UNC13B: variants seen among roughly 807,000 people sequenced by gnomAD.
UNC13B encodes the protein unc-13 homolog B, also known as protein unc-13 homolog B.
UNC13B carries 144 observed loss-of-function variants against 211.0 expected under a neutral mutation model. The ratio of observed to expected loss-of-function variants is 0.68; its 90% CI spans 0.60 to 0.78. The LOEUF (loss-of-function observed/expected upper bound fraction) is 0.78, where lower values mean the gene tolerates loss of function less well. Among genes scored for constraint, UNC13B ranks in the 30% least tolerant of loss-of-function variants. The probability of loss-of-function intolerance (pLI) is 0.00; values close to 1 mark genes in which losing one functional copy is unlikely to be tolerated. For missense variants in UNC13B, 1,777 were observed against 2,002.0 expected (o/e 0.89, Z 2.14); for synonymous variants, 709 against 725.8 (o/e 0.98, Z 0.37).
intron 11 of UNC13B, chr9:35,342,081 A>G (rs1050828105): frequency 8.1e-6 from 8 of 985,280 alleles, no homozygotes; most frequent in Admixed American, 6.2e-5. Flanking sequence ...TTTGCAGGGC[A>G]TTGTTTCTGT....
chr9:35,173,571 T>C (rs1253710016), intron 1 of UNC13B, among the ~76,000 whole-genome samples: 1 of 151,936 alleles, frequency 6.6e-6, no homozygotes, highest in African/African-American at 2.4e-5. Flanking sequence ...TTACAGGCCC[T>C]CACCACCATG....
intron 11 of UNC13B, among the ~76,000 whole-genome samples, chr9:35,326,790 C>T (rs1375556507): frequency 1.3e-5 from 2 of 152,178 alleles, no homozygotes; most frequent in Non-Finnish European, 2.9e-5. Flanking sequence ...AATATGATCT[C>T]TCAAAATATT....
intron 26 of UNC13B, among the ~76,000 whole-genome samples, chr9:35,392,086 TA>T (rs1835570783): frequency 6.6e-6 from 1 of 152,252 alleles, no homozygotes; most frequent in African/African-American, 2.4e-5. Context: ...ACTTAATTTT[TA>T]TGAGCTCCCA....
At chr9:35,317,867 A>G (rs1830544918) in intron 11 of UNC13B, among the ~76,000 whole-genome samples, 1 of 152,036 alleles carries the variant, frequency 6.6e-6, no homozygotes, top group Admixed American at 6.6e-5. Flanking sequence ...ACATTTATGG[A>G]ATGAATGTCA....
At chr9:35,249,101 A>G (rs1826291653) in intron 6 of UNC13B, among the ~76,000 whole-genome samples, 1 of 152,042 alleles carries the variant, frequency 6.6e-6, no homozygotes, top group Non-Finnish European at 1.5e-5. Context: ...TCCCTTTCCC[A>G]TTATGTAATG....
intron 7 of UNC13B, among the ~76,000 whole-genome samples, chr9:35,265,204 C>T (rs979651565): frequency 1.3e-5 from 2 of 152,098 alleles, no homozygotes; most frequent in Non-Finnish European, 2.9e-5. Flanking sequence ...AAGCCCTAGT[C>T]CCCAGTTTGA....
At chr9:35,255,370 C>T (rs1031650663) in intron 6 of UNC13B, among the ~76,000 whole-genome samples, 8 of 151,084 alleles carry the variant, frequency 5.3e-5, no homozygotes, top group East Asian at 1.9e-4. Context: ...AACTGCCCAA[C>T]GGGTTCACCT....
chr9:35,258,556 G>A (rs1213867242), intron 6 of UNC13B, among the ~76,000 whole-genome samples: 1 of 152,174 alleles, frequency 6.6e-6, no homozygotes, highest in East Asian at 1.9e-4. Context: ...GACCTTATGA[G>A]CAAAGAAGCA....
At chr9:35,346,649 C>T (rs775540690) in intron 11 of UNC13B, among the ~76,000 whole-genome samples, 3 of 152,124 alleles carry the variant, frequency 2.0e-5, no homozygotes, top group Non-Finnish European at 4.4e-5. Flanking sequence ...CAGCCTTAGG[C>T]AGTCCTGAGG....
chr9:35,306,936 T>G lies in UNC13B; in HGVS notation c.7532T>G (p.Phe2511Cys). The change falls in exon 9 of 40, where the codon TTT (phenylalanine) becomes TGT (cysteine). Residue 2511 changes from phenylalanine (F) to cysteine (C), a missense_variant. By Grantham distance (205) the Phe-to-Cys change is radical. Transcript: ENST00000635942. ...TCTCAGCCCCTCAAAGGTGAATTATTTGGAATTTTCAAAAGTCCCAAGCCA... is the reference window on the plus strand; with the variant it reads ...TCTCAGCCCCTCAAAGGTGAATTATGTGGAATTTTCAAAAGTCCCAAGCCA... ...VSSQPLKGEL[F>C]GIFKSPKPEP... is the part of the protein sequence containing the mutation. 1 of 399,012 alleles carries G rather than the reference T, an allele frequency of 2.5e-6. No individual in the cohort carries two copies. The highest frequency in any genetic ancestry group is 2.1e-5 in the African/African-American group (1 of 48,754). 24.7% of individuals were successfully genotyped at this position (399,012 alleles called of 1,614,324 possible).
At chr9:35,400,936 G>A (rs1014627857) in intron 37 of UNC13B, among the ~76,000 whole-genome samples, 1 of 152,120 alleles carries the variant, frequency 6.6e-6, no homozygotes, top group South Asian at 2.1e-4. Flanking sequence ...GTGGATCCTG[G>A]GGCCCTGTGC....
chr9:35,375,179 C>T lies in UNC13B; in HGVS notation c.9593C>T (p.Thr3198Ile), dbSNP rs749580027. 2.5e-6 allele frequency: 4 copies of T among 1,614,148 alleles called. No homozygotes were observed. The highest frequency in any genetic ancestry group is 1.7e-5 in the Admixed American group (1 of 60,034). The change falls in exon 14 of 40, where the codon ACT becomes ATT. Residue 3198 changes from threonine to isoleucine, a missense_variant. Coordinates refer to ENST00000635942, the MANE Select transcript of UNC13B (RefSeq NM_001371189.2). ...AGITSAMATR[T>I]SLKDEELKSH... The stretch of plus-strand genomic sequence containing the variant: ...ATCACTTCTGCAATGGCTACACGCA[C>T]TTCTCTTAAGGACGAAGAGCTGGTA...
chr9:35,276,677 G>A (rs911497142), intron 7 of UNC13B, among the ~76,000 whole-genome samples: 3 of 152,118 alleles, frequency 2.0e-5, no homozygotes, highest in African/African-American at 7.2e-5. Flanking sequence ...ATTCAGAAAT[G>A]TGTAATATAG....
chr9:35,231,367 G>A (rs1170180295), intron 3 of UNC13B, 148 bp downstream of exon 3: 1 of 553,270 alleles, frequency 1.8e-6, no homozygotes, highest in East Asian at 3.0e-5. Context: ...AAACTGTGGA[G>A]TTATAGAAAT....
chr9:35,183,320 C>T (rs1222867779), intron 1 of UNC13B, among the ~76,000 whole-genome samples: 3 of 117,684 alleles, frequency 2.5e-5, no homozygotes, highest in African/African-American at 6.6e-5. Context: ...CCAGGCGGGG[C>T]AGCCGGGCAG....
chr9:35,274,138 C>T (rs760580240), intron 7 of UNC13B, among the ~76,000 whole-genome samples: 6 of 152,112 alleles, frequency 3.9e-5, no homozygotes, highest in Non-Finnish European at 5.9e-5. Context: ...ACTTATTTTC[C>T]GTATGACAGT....
intron 11 of UNC13B, chr9:35,361,937 C>G (rs112914876): frequency 6.6e-6 from 1 of 152,068 alleles, no homozygotes; most frequent in Non-Finnish European, 1.5e-5. Flanking sequence ...ATACAGGACA[C>G]GTGAGGAGCG....
intron 15 of UNC13B, among the ~76,000 whole-genome samples, chr9:35,377,242 G>T (rs1013817303): frequency 1.3e-5 from 2 of 152,234 alleles, no homozygotes; most frequent in Non-Finnish European, 2.9e-5. Context: ...GAAGAGATGG[G>T]CTCTGAAAAG....
chr9:35,334,246 G>A (rs987912537), intron 11 of UNC13B, among the ~76,000 whole-genome samples: 1 of 152,210 alleles, frequency 6.6e-6, no homozygotes, highest in Admixed American at 6.5e-5. Context: ...GATTGCAGGC[G>A]TGAGCCACTG....
Sources: gnomAD v4.1 joint callset for allele counts (sites outside exome capture counted in the v4.1 genomes callset) on GRCh38, gnomAD v4.1.1 for gene constraint, MANE v1.5 for transcripts, NCBI Gene and HGNC (gene_info 2026-07-23, HGNC 2026-07-21) for gene names.